The following NRXN3 variants were observed in gnomAD, a reference collection of about 807,000 sequenced individuals.
The protein encoded by NRXN3 is neurexin III.
In NRXN3, 32 loss-of-function variants were observed where a neutral mutation model predicts 137.6. That is an observed-to-expected ratio of 0.23 (90% CI 0.18 to 0.31). NRXN3 has a LOEUF of 0.31. Among genes scored for constraint, NRXN3 ranks in the 10% least tolerant of loss-of-function variants. NRXN3 has a pLI of 1.00. For synonymous variants in NRXN3, 798 were observed against 784.5 expected, an observed-to-expected ratio of 1.02 and a Z score of -0.29; for missense variants, 1,574 against 2,062.5, an observed-to-expected ratio of 0.76 and a Z score of 4.59.
intron 1 of NRXN3, among the ~76,000 whole-genome samples, chr14:78,179,940 G>A (rs1005677621): frequency 6.6e-6 from 1 of 150,980 alleles, no homozygotes; most frequent in Non-Finnish European, 1.5e-5. Flanking sequence ...TTGCCTCCTG[G>A]GTTCAAGGGA....
intron 3 of NRXN3, among the ~76,000 whole-genome samples, chr14:78,286,578 G>T (rs1349709653): frequency 6.6e-6 from 1 of 152,128 alleles, no homozygotes; most frequent in Non-Finnish European, 1.5e-5. Context: ...AGAGTCCAGG[G>T]CAGTGGGTCC....
chr14:78,581,985 C>T (rs892387967), intron 4 of NRXN3, among the ~76,000 whole-genome samples: 1 of 152,172 alleles, frequency 6.6e-6, no homozygotes, highest in East Asian at 1.9e-4. Context: ...TCTTTGATGC[C>T]GTATCTATCC....
chr14:78,530,333 G>A (rs1303163187), intron 4 of NRXN3, among the ~76,000 whole-genome samples: 2 of 152,214 alleles, frequency 1.3e-5, no homozygotes, highest in East Asian at 1.9e-4. Context: ...TTGGGACAGG[G>A]CTCTCAGCCA....
At chr14:79,485,079 TGTGTC>T (rs986512317) in intron 16 of NRXN3, among the ~76,000 whole-genome samples, 5 of 152,170 alleles carry the variant, frequency 3.3e-5, no homozygotes, top group Admixed American at 2.0e-4. Flanking sequence ...ACAATATTGA[TGTGTC>T]GTGATTTTTT....
intron 4 of NRXN3, among the ~76,000 whole-genome samples, chr14:78,631,446 G>C (rs2097522331): frequency 6.6e-6 from 1 of 152,112 alleles, no homozygotes; most frequent in African/African-American, 2.4e-5. Context: ...ATCATTCACA[G>C]TTTTGTCATA....
At chr14:79,651,539 A>G (rs2098476019) in intron 16 of NRXN3, among the ~76,000 whole-genome samples, 1 of 151,446 alleles carries the variant, frequency 6.6e-6, no homozygotes, top group Non-Finnish European at 1.5e-5. Flanking sequence ...GTGTGACAGG[A>G]AAAAAAAAGA....
intron 4 of NRXN3, among the ~76,000 whole-genome samples, chr14:78,476,149 A>G (rs1195609000): frequency 6.6e-6 from 1 of 152,236 alleles, no homozygotes; most frequent in Non-Finnish European, 1.5e-5. Context: ...GTCACACAGT[A>G]TTGGGCAATG....
intron 16 of NRXN3, among the ~76,000 whole-genome samples, chr14:79,596,222 G>A (rs2097857372): frequency 6.6e-6 from 1 of 152,010 alleles, no homozygotes; most frequent in South Asian, 2.1e-4. Flanking sequence ...GTTGAGAAAG[G>A]TCATTAAGGG....
At chr14:79,315,598 C>A (rs1053651020) in intron 15 of NRXN3, among the ~76,000 whole-genome samples, 1 of 152,076 alleles carries the variant, frequency 6.6e-6, no homozygotes, top group African/African-American at 2.4e-5. Context: ...AAAACAAGTA[C>A]CAAAGTGCAG....
intron 3 of NRXN3, among the ~76,000 whole-genome samples, chr14:78,279,962 G>A (rs2074170550): frequency 6.6e-6 from 1 of 152,180 alleles, no homozygotes; most frequent in African/African-American, 2.4e-5. Context: ...TTAATGCAGA[G>A]AGTTTCTCTC....
At chr14:79,567,642 C>T (rs546289371) in intron 16 of NRXN3, among the ~76,000 whole-genome samples, 95 of 152,190 alleles carry the variant, frequency 6.2e-4, no homozygotes, top group African/African-American at 2.2e-3. Flanking sequence ...CCTCCTTCTA[C>T]GTTCGGCATG....
intron 16 of NRXN3, among the ~76,000 whole-genome samples, chr14:79,489,124 C>A (rs1383253313): frequency 6.6e-6 from 1 of 152,098 alleles, no homozygotes; most frequent in Non-Finnish European, 1.5e-5. Flanking sequence ...AAAGAGAATG[C>A]ATCAAATATA....
intron 16 of NRXN3, among the ~76,000 whole-genome samples, chr14:79,508,389 G>GTTTTTTTTTTTTTTTTTTTT (rs1567328889): frequency 2.4e-4 from 3 of 12,552 alleles, no homozygotes; most frequent in African/African-American, 6.5e-4. Context: ...AACAATAACT[G>GTTTTTTTTTTTTTTTTTTTT]ATTTTTTTTT....
intron 2 of NRXN3, among the ~76,000 whole-genome samples, chr14:78,258,859 G>A (rs1247697634): frequency 9.2e-5 from 14 of 152,250 alleles, no homozygotes; most frequent in South Asian, 4.2e-4. Flanking sequence ...CTGGCCGGGC[G>A]CGGTGGCTCA....
At chr14:79,272,660 A>G (rs1280910023) in intron 15 of NRXN3, among the ~76,000 whole-genome samples, 2 of 152,108 alleles carry the variant, frequency 1.3e-5, no homozygotes, top group African/African-American at 4.8e-5. Flanking sequence ...GCTCTACCCT[A>G]CTCTGACAAA....
intron 16 of NRXN3, among the ~76,000 whole-genome samples, chr14:79,541,234 C>G (rs574850944): frequency 1.1e-4 from 17 of 152,272 alleles, no homozygotes; most frequent in African/African-American, 3.1e-4. Context: ...GAAACCCTGT[C>G]TCTACTAAAA....
chr14:78,243,291 C>T lies in NRXN3; in HGVS notation c.198C>T (p.Tyr66=). 1 of 1,561,308 alleles carries T rather than the reference C, an allele frequency of 6.4e-7. No individual in the cohort carries two copies. The highest frequency in any genetic ancestry group is 8.6e-7 in the Non-Finnish European group (1 of 1,161,218). Residue 66 remains tyrosine, a synonymous_variant, in exon 2 of 21, where the codon TAC becomes TAT. Coordinates refer to ENST00000335750, the MANE Select transcript of NRXN3 (RefSeq NM_001330195.2). This position sits in a 1 kb window ranked among gnomAD's most constrained non-coding sequence, Gnocchi z 4.2. ...ACGTCTCTACGGGGCTGCTCCTCTACCTGGATGATGGCGGCGTCTGCGACT... is the reference window on the plus strand; with the variant it reads ...ACGTCTCTACGGGGCTGCTCCTCTATCTGGATGATGGCGGCGTCTGCGACT... ...KTNVSTGLLL[Y]LDDGGVCDFL...
At chr14:79,284,353 T>C (rs1380946714) in intron 15 of NRXN3, among the ~76,000 whole-genome samples, 2 of 108,108 alleles carry the variant, frequency 1.8e-5, no homozygotes, top group East Asian at 2.7e-4. Context: ...CATATATATA[T>C]ATATATATAT....
At chr14:79,004,787 T>A (rs184653275) in intron 15 of NRXN3, among the ~76,000 whole-genome samples, 2 of 152,308 alleles carry the variant, frequency 1.3e-5, no homozygotes, top group Admixed American at 6.5e-5. Context: ...ATGTTTTAAA[T>A]TCCTGGAGTC....
Sources: allele counts gnomAD v4.1 joint callset (sites outside exome capture counted in the v4.1 genomes callset), GRCh38; gene constraint gnomAD v4.1.1; non-coding constraint Gnocchi (gnomAD v3.1); transcripts MANE v1.5; gene names NCBI Gene and HGNC (gene_info 2026-07-23, HGNC 2026-07-21).